Variants in CNTN5 observed in about 807,000 individuals in gnomAD.
The protein encoded by CNTN5 is contactin-5.
A neutral mutation model predicts 129.1 loss-of-function variants in CNTN5; 77 were observed. That is an observed-to-expected ratio of 0.60 (90% CI 0.50 to 0.72). The LOEUF (loss-of-function observed/expected upper bound fraction) is 0.72. CNTN5 is among the 30% of genes least tolerant of loss of function. The pLI is 0.00. For missense variants in CNTN5, 1,478 were observed against 1,328.8 expected (o/e 1.11, Z -1.75); for synonymous variants, 509 against 465.6 (o/e 1.09, Z -1.20).
At chr11:99,913,016 A>G (rs1565670620) in intron 6 of CNTN5, among the ~76,000 whole-genome samples, 1 of 152,186 alleles carries the variant, frequency 6.6e-6, no homozygotes, top group Non-Finnish European at 1.5e-5. Context: ...TTGCAATAAA[A>G]CAATTCAAGC....
At chr11:99,377,696 A>G (rs10893234) in intron 2 of CNTN5, among the ~76,000 whole-genome samples, 34,237 of 152,032 alleles carry the variant, frequency 0.23, 3,811 homozygotes, top group South Asian at 0.32. Context: ...GTAGTGCTAC[A>G]TATTATTTCC....
At chr11:99,057,465 A>T (rs1033901973) in intron 1 of CNTN5, among the ~76,000 whole-genome samples, 5 of 151,862 alleles carry the variant, frequency 3.3e-5, no homozygotes, top group Admixed American at 6.6e-5. Flanking sequence ...ATGTTGCCAG[A>T]TGGAAAAGAA....
At chr11:99,983,696 A>G (rs1478560394) in intron 8 of CNTN5, among the ~76,000 whole-genome samples, 2 of 152,206 alleles carry the variant, frequency 1.3e-5, no homozygotes, top group Admixed American at 1.3e-4. Context: ...TGAGTAATGA[A>G]AGCCAAATAG....
chr11:100,064,994 G>A (rs7936780), intron 10 of CNTN5, among the ~76,000 whole-genome samples: 4 of 151,966 alleles, frequency 2.6e-5, no homozygotes, highest in Admixed American at 2.0e-4. Context: ...TATCATGTGC[G>A]TCACCAACTA....
At chr11:99,202,728 G>C (rs1463937634) in intron 1 of CNTN5, among the ~76,000 whole-genome samples, 1 of 151,322 alleles carries the variant, frequency 6.6e-6, no homozygotes, top group Non-Finnish European at 1.5e-5. Flanking sequence ...CTGTATCTCA[G>C]TGACTGTAAA....
intron 3 of CNTN5, among the ~76,000 whole-genome samples, chr11:99,768,152 C>T (rs922771237): frequency 6.6e-6 from 1 of 152,096 alleles, no homozygotes; most frequent in South Asian, 2.1e-4. Context: ...GTTTGTCAAA[C>T]CTTGATTTAG....
chr11:99,133,631 C>G (rs1366035305), intron 1 of CNTN5, among the ~76,000 whole-genome samples: 2 of 21,300 alleles, frequency 9.4e-5, no homozygotes, highest in African/African-American at 4.2e-4. Context: ...AAAAAAAAGA[C>G]CATACATGCA....
chr11:99,744,543 T>TTAAAAA (rs1943986604), intron 3 of CNTN5, among the ~76,000 whole-genome samples: 4 of 37,478 alleles, frequency 1.1e-4, no homozygotes, highest in Non-Finnish European at 1.3e-4. Flanking sequence ...TACAAAAAGT[T>TTAAAAA]AAAAAAAAAA....
At chr11:99,329,531 C>T (rs1865918329) in intron 2 of CNTN5, among the ~76,000 whole-genome samples, 1 of 152,088 alleles carries the variant, frequency 6.6e-6, no homozygotes, top group Non-Finnish European at 1.5e-5. Flanking sequence ...CAAGGCTGTC[C>T]TACAACATAA....
chr11:100,039,674 G>A (rs1458016355), intron 9 of CNTN5, among the ~76,000 whole-genome samples: 1 of 151,928 alleles, frequency 6.6e-6, no homozygotes, highest in African/African-American at 2.4e-5. Flanking sequence ...GTTTCTTTTT[G>A]TTCTTTTTTC....
intron 9 of CNTN5, among the ~76,000 whole-genome samples, chr11:100,019,373 A>G (rs774166796): frequency 7.2e-5 from 11 of 151,946 alleles, no homozygotes; most frequent in Non-Finnish European, 1.3e-4. Flanking sequence ...AAACTTGGTC[A>G]TCACCATTCT....
At chr11:100,017,380 C>T (rs1318963736) in intron 9 of CNTN5, among the ~76,000 whole-genome samples, 1 of 151,968 alleles carries the variant, frequency 6.6e-6, no homozygotes, top group Admixed American at 6.6e-5. Flanking sequence ...TTTAATATCT[C>T]TGAAATCCAG....
chr11:99,321,510 T>C (rs1361423621), intron 1 of CNTN5, among the ~76,000 whole-genome samples: 1 of 152,260 alleles, frequency 6.6e-6, no homozygotes, highest in Admixed American at 6.5e-5. Context: ...TGTGATCATA[T>C]GTCCACTGAT....
intron 1 of CNTN5, among the ~76,000 whole-genome samples, chr11:99,320,885 C>T (rs1323578211): frequency 3.3e-5 from 5 of 152,008 alleles, no homozygotes; most frequent in African/African-American, 1.2e-4. Context: ...AGTCAGTTAA[C>T]CGTGTAAAGT....
At chr11:99,668,951 T>C (rs1952915814) in intron 3 of CNTN5, among the ~76,000 whole-genome samples, 1 of 152,140 alleles carries the variant, frequency 6.6e-6, no homozygotes, top group Non-Finnish European at 1.5e-5. Context: ...TTTAAAATGC[T>C]CCAACTGGGG....
chr11:99,404,936 T>C (rs1162298750), intron 2 of CNTN5, among the ~76,000 whole-genome samples: 1 of 152,202 alleles, frequency 6.6e-6, no homozygotes, highest in Non-Finnish European at 1.5e-5. Flanking sequence ...CTCTTGTTTG[T>C]CTAGGAAAGC....
chr11:99,959,312 T>C (rs1205718012), intron 8 of CNTN5, among the ~76,000 whole-genome samples: 1 of 152,172 alleles, frequency 6.6e-6, no homozygotes, highest in Non-Finnish European at 1.5e-5. Context: ...TTTGGAAACT[T>C]CTGTGCTTTC....
At chr11:99,859,522 T>A (rs1948142781) in intron 6 of CNTN5, among the ~76,000 whole-genome samples, 1 of 152,072 alleles carries the variant, frequency 6.6e-6, no homozygotes, top group African/African-American at 2.4e-5. Context: ...CACTTAATAG[T>A]TTCTAGTTTC....
At chr11:99,531,232 T>C (rs1591229076) in intron 2 of CNTN5, among the ~76,000 whole-genome samples, 1 of 152,188 alleles carries the variant, frequency 6.6e-6, no homozygotes, top group African/African-American at 2.4e-5. Flanking sequence ...GCAGAGAGAC[T>C]GGCAGCATTT....
Sources: allele counts gnomAD v4.1 joint callset (sites outside exome capture counted in the v4.1 genomes callset), GRCh38; gene constraint gnomAD v4.1.1; transcripts MANE v1.5; gene names NCBI Gene and HGNC (gene_info 2026-07-23, HGNC 2026-07-21).